SNX31: variants seen among roughly 807,000 people sequenced by gnomAD.
SNX31 encodes sorting nexin 31.
Under a neutral mutation model 65.4 loss-of-function variants are expected in SNX31, and 58 were observed. That is an observed-to-expected ratio of 0.89 (90% CI 0.72 to 1.10). SNX31 has a LOEUF of 1.10. Ranked by LOEUF, SNX31 falls within the 50% of genes least tolerant of loss-of-function variation. SNX31 has a pLI of 0.00. For synonymous variants in SNX31, 181 were observed against 190.1 expected (o/e 0.95, Z 0.39); for missense variants, 523 against 529.7 (o/e 0.99, Z 0.12).
chr8:100,641,545 C>CAAAAAAAA (rs1173913088), intron 2 of SNX31, among the ~76,000 whole-genome samples: 4 of 10,258 alleles, frequency 3.9e-4, no homozygotes, highest in Admixed American at 1.6e-3. Flanking sequence ...GACCTTGTCT[C>CAAAAAAAA]AAAAAAAAAA....
chr8:100,646,074 C>A (rs77637294), intron 2 of SNX31, among the ~76,000 whole-genome samples: 9,963 of 152,208 alleles, frequency 0.065, 445 homozygotes, highest in Non-Finnish European at 0.095. Flanking sequence ...AGCAAAAAGA[C>A]TATCGGGGCC....
intron 10 of SNX31, among the ~76,000 whole-genome samples, chr8:100,589,859 C>T (rs955185160): frequency 6.6e-6 from 1 of 152,170 alleles, no homozygotes; most frequent in African/African-American, 2.4e-5. Flanking sequence ...CCACTGTTGG[C>T]TATTTATGTA....
intron 2 of SNX31, among the ~76,000 whole-genome samples, chr8:100,637,172 C>A (rs1038170642): frequency 6.6e-6 from 1 of 152,132 alleles, no homozygotes; most frequent in Non-Finnish European, 1.5e-5. Flanking sequence ...TTTTATGGAA[C>A]CTAAAAAGTG....
intron 2 of SNX31, among the ~76,000 whole-genome samples, chr8:100,646,441 G>A (rs1291879547): frequency 7.9e-5 from 12 of 152,156 alleles, no homozygotes; most frequent in Non-Finnish European, 5.9e-5. Context: ...ACCTTTAAAG[G>A]TGTCAGACTC....
intron 10 of SNX31, among the ~76,000 whole-genome samples, chr8:100,591,481 T>A (rs2507784): frequency 0.4 from 44,583 of 112,610 alleles, 8,347 homozygotes; most frequent in African/African-American, 0.54. Flanking sequence ...AGAGTGAGAC[T>A]CCGTCTCAAA....
rs1259704805 is a variant in SNX31 at position 100,609,040 on chromosome 8, T to C, written c.612-477A>G. Among the ~76,000 whole-genome samples, 1 of 152,198 alleles carries C rather than the reference T, an allele frequency of 6.6e-6. No homozygotes were observed. The highest frequency in any genetic ancestry group is 1.5e-5 in the Non-Finnish European group (1 of 68,034). On this transcript the variant is annotated intron_variant, in intron 7 of 13. Transcript: ENST00000311812. The surrounding 1 kb of genome is among the most constrained non-coding windows in gnomAD (Gnocchi z 4.9). The stretch of plus-strand genomic sequence containing the variant: ...GCCCTTAATCTGATGCTCCACATTC[T>C]AACCAGAGTGGTCTTTCCTGTGAAA...
At position 100,606,574 on chromosome 8, in the gene SNX31, A is replaced by T. The variant is rs78271833; in HGVS notation, c.681+1920T>A. ...CCAGGGTAACAAAATCCACCCATTG[A>T]CCTTTTTCTACACCCAAAGTACCAC... On this transcript the variant is annotated intron_variant, in intron 8 of 13. Transcript: ENST00000311812. Among the ~76,000 whole-genome samples, 148 of 152,208 alleles carry T rather than the reference A, an allele frequency of 9.7e-4. 1 individual carries two copies. The East Asian group carries it at 0.023, about 24-fold the overall frequency.
chr8:100,596,845 G>A lies in SNX31; in HGVS notation c.775-3C>T. ...ACCTCCCGGGCCAGCTCCAAAAACT[G>A]CTCCAAAGAGGGTGATGTGGGGGGA... is the stretch of plus-strand genomic sequence containing the variant. On this transcript the variant is annotated splice_polypyrimidine_tract_variant and splice_region_variant and intron_variant, in intron 9 of 13. Transcript: ENST00000311812. 1 of 1,613,336 alleles carries A rather than the reference G, an allele frequency of 6.2e-7. No individual in the cohort carries two copies. The highest frequency in any genetic ancestry group is 2.2e-5 in the East Asian group (1 of 44,886).
Position 100,616,406 on chromosome 8 carries a change from C to T in SNX31, c.432+1214G>A, listed in dbSNP as rs111857289. Among the ~76,000 whole-genome samples, 1,112 of 152,302 alleles carry T rather than the reference C, an allele frequency of 7.3e-3. 13 individuals are homozygous for T. Among genetic ancestry groups the T allele is most frequent in the African/African-American group, 0.024 (986 of 41,550 alleles). On this transcript the variant is annotated intron_variant, in intron 5 of 13. Coordinates refer to ENST00000311812, the MANE Select transcript of SNX31 (RefSeq NM_152628.4). Reference sequence around the variant, plus strand: ...GTACCCCAGAGCTACCTGCCTGGCCCCAGACACATGCAGTCTGTGGCTCCC... The same window carrying T: ...GTACCCCAGAGCTACCTGCCTGGCCTCAGACACATGCAGTCTGTGGCTCCC...
At chr8:100,653,813 T>C (rs1260251081), upstream of SNX31, among the ~76,000 whole-genome samples, 4 of 152,062 alleles carry the variant, frequency 2.6e-5, no homozygotes, top group Non-Finnish European at 4.4e-5. Context: ...TGCGCATCTG[T>C]GGAGAATGGA....
intron 1 of SNX31, among the ~76,000 whole-genome samples, chr8:100,661,681 C>T (rs1809790443): frequency 7.5e-6 from 1 of 132,700 alleles, no homozygotes; most frequent in Non-Finnish European, 1.6e-5. Context: ...ACATGCACCA[C>T]CACACACGGC....
At chr8:100,602,225 C>T (rs947033011) in intron 8 of SNX31, among the ~76,000 whole-genome samples, 1 of 152,216 alleles carries the variant, frequency 6.6e-6, no homozygotes, top group Non-Finnish European at 1.5e-5. Flanking sequence ...CTGCTACATC[C>T]CTCAGTGATA....
chr8:100,596,613 G>T, intron 10 of SNX31, 26 bp downstream of exon 10: 1 of 1,604,470 alleles, frequency 6.2e-7, no homozygotes, highest in Non-Finnish European at 8.5e-7. Flanking sequence ...TAAGTCATGG[G>T]CAAAGCAAGG....
At chr8:100,577,977 C>T (rs1315233533) in intron 12 of SNX31, among the ~76,000 whole-genome samples, 1 of 152,168 alleles carries the variant, frequency 6.6e-6, no homozygotes, top group Non-Finnish European at 1.5e-5. Flanking sequence ...TGTCTTGGTC[C>T]CCATGTAATA....
upstream of SNX31, among the ~76,000 whole-genome samples, chr8:100,650,526 C>T (rs904974598): frequency 4.6e-5 from 7 of 152,166 alleles, no homozygotes; most frequent in Admixed American, 3.9e-4. Flanking sequence ...TGCCAGTCAT[C>T]CCTGGGGTAA....
At chr8:100,642,686 A>G (rs1819340450) in intron 2 of SNX31, among the ~76,000 whole-genome samples, 1 of 152,250 alleles carries the variant, frequency 6.6e-6, no homozygotes, top group African/African-American at 2.4e-5. Flanking sequence ...GACCTTTTCC[A>G]TGGGTCTCAG....
At chr8:100,632,634 T>C (rs747568887) in intron 3 of SNX31, among the ~76,000 whole-genome samples, 1 of 152,098 alleles carries the variant, frequency 6.6e-6, no homozygotes, top group Non-Finnish European at 1.5e-5. Flanking sequence ...TATTTATTTA[T>C]TTTTAGATAC....
chr8:100,638,914 G>A (rs921034614), intron 2 of SNX31, among the ~76,000 whole-genome samples: 4 of 152,094 alleles, frequency 2.6e-5, no homozygotes, highest in Non-Finnish European at 4.4e-5. Flanking sequence ...TGAAAGAAAC[G>A]TAAATAAATA....
chr8:100,583,233 A>G (rs950580771), intron 12 of SNX31, among the ~76,000 whole-genome samples: 2 of 151,504 alleles, frequency 1.3e-5, no homozygotes, highest in African/African-American at 4.8e-5. Context: ...CAGCCTCCCC[A>G]GTAGCTGGGA....
Sources: gnomAD v4.1 joint callset for allele counts (sites outside exome capture counted in the v4.1 genomes callset) on GRCh38, gnomAD v4.1.1 for gene constraint, Gnocchi (gnomAD v3.1) non-coding constraint, MANE v1.5 for transcripts, NCBI Gene and HGNC (gene_info 2026-07-23, HGNC 2026-07-21) for gene names.